CYP7B1: variants seen among roughly 807,000 people sequenced by gnomAD.
CYP7B1 encodes the protein cytochrome P450 family 7 subfamily B member 1.
In CYP7B1, 29 loss-of-function variants were observed where a neutral mutation model predicts 42.7. That is an observed-to-expected ratio of 0.68 (90% CI 0.51 to 0.93). The LOEUF is 0.93. CYP7B1 is among the 40% of genes least tolerant of loss of function. CYP7B1 has a pLI of 0.00. For missense variants in CYP7B1, 655 were observed against 600.5 expected (o/e 1.09, Z -0.95); for synonymous variants, 235 against 218.2 (o/e 1.08, Z -0.68).
intron 1 of CYP7B1, among the ~76,000 whole-genome samples, chr8:64,781,002 C>T (rs1174509636): frequency 6.6e-6 from 1 of 152,074 alleles, no homozygotes; most frequent in East Asian, 1.9e-4. Context: ...CATGGAGTTG[C>T]TAGATGCATA....
intron 1 of CYP7B1, among the ~76,000 whole-genome samples, chr8:64,789,129 G>C (rs769408664): frequency 4.1e-4 from 62 of 152,054 alleles, no homozygotes; most frequent in Middle Eastern, 6.8e-3. Flanking sequence ...GGTTTCACCA[G>C]GTTGGCCAGG....
At chr8:64,687,210 AAAG>A (rs1392093148) in intron 1 of CYP7B1, among the ~76,000 whole-genome samples, 6 of 152,258 alleles carry the variant, frequency 3.9e-5, no homozygotes, top group Admixed American at 1.3e-4. Flanking sequence ...ATGAATGGAT[AAAG>A]AAGATGTGGT....
intron 1 of CYP7B1, among the ~76,000 whole-genome samples, chr8:64,740,335 T>A (rs1356101871): frequency 1.3e-5 from 2 of 152,004 alleles, no homozygotes; most frequent in Non-Finnish European, 2.9e-5. Context: ...GTCAAGGAAG[T>A]ACATCAGTCA....
At chr8:64,652,725 T>C (rs1236697818) in intron 1 of CYP7B1, among the ~76,000 whole-genome samples, 1 of 152,076 alleles carries the variant, frequency 6.6e-6, no homozygotes, top group Non-Finnish European at 1.5e-5. Context: ...GCGCCTGTAG[T>C]CCCAGCTACT....
chr8:64,624,734 G>A (rs368986266), intron 1 of CYP7B1, among the ~76,000 whole-genome samples, 195 bp from the exon 2 acceptor site: 36 of 152,080 alleles, frequency 2.4e-4, no homozygotes, highest in African/African-American at 7.7e-4. Context: ...ATGGATAAAT[G>A]CATAACTTCT....
chr8:64,638,295 G>A (rs1281922362), intron 1 of CYP7B1, among the ~76,000 whole-genome samples: 1 of 152,046 alleles, frequency 6.6e-6, no homozygotes, highest in Admixed American at 6.6e-5. Context: ...TTGCAGGGCT[G>A]GTGGACTTTC....
chr8:64,664,229 A>G (rs1007219), intron 1 of CYP7B1, among the ~76,000 whole-genome samples: 112,405 of 152,008 alleles, frequency 0.74, 41,897 homozygotes, highest in African/African-American at 0.83. Flanking sequence ...ATTTGAGATC[A>G]GACCTGTCTA....
At chr8:64,779,436 T>C (rs1804381898) in intron 1 of CYP7B1, among the ~76,000 whole-genome samples, 1 of 150,944 alleles carries the variant, frequency 6.6e-6, no homozygotes, top group South Asian at 2.1e-4. Context: ...TCTATAATAC[T>C]ATATACTTAC....
chr8:64,648,073 G>C (rs766712435), intron 1 of CYP7B1, among the ~76,000 whole-genome samples: 2 of 152,172 alleles, frequency 1.3e-5, no homozygotes, highest in African/African-American at 4.8e-5. Context: ...TATAATAGGT[G>C]ACAAGGGCAC....
chr8:64,618,079 A>T (rs1358076797), intron 2 of CYP7B1, among the ~76,000 whole-genome samples: 8 of 150,046 alleles, frequency 5.3e-5, no homozygotes, highest in African/African-American at 9.8e-5. Context: ...GTGTGTGTGT[A>T]TGTGCTCTGG....
intron 1 of CYP7B1, among the ~76,000 whole-genome samples, chr8:64,636,762 T>A (rs907676079): frequency 3.3e-4 from 51 of 152,314 alleles, no homozygotes; most frequent in Admixed American, 2.0e-4. Context: ...GGCTCTGAAG[T>A]GCACTGGATC....
At chr8:64,784,839 T>C (rs56345307) in intron 1 of CYP7B1, among the ~76,000 whole-genome samples, 24,369 of 152,086 alleles carry the variant, frequency 0.16, 4,124 homozygotes, top group African/African-American at 0.43. Flanking sequence ...AGTGACTCCT[T>C]ATATACAACA....
chr8:64,688,838 G>C (rs1201773015), intron 1 of CYP7B1, among the ~76,000 whole-genome samples: 1 of 152,098 alleles, frequency 6.6e-6, no homozygotes, highest in Non-Finnish European at 1.5e-5. Context: ...GAGGTGGGAG[G>C]ATTGCTCAAC....
chr8:64,724,438 C>A (rs532852386), intron 1 of CYP7B1, among the ~76,000 whole-genome samples: 5 of 152,210 alleles, frequency 3.3e-5, no homozygotes, highest in Admixed American at 1.3e-4. Flanking sequence ...TGAGCCACCG[C>A]GCCCAGCCAA....
chr8:64,649,881 G>A (rs540170819), intron 1 of CYP7B1, among the ~76,000 whole-genome samples: 503 of 152,226 alleles, frequency 3.3e-3, no homozygotes, highest in Non-Finnish European at 5.5e-3. Flanking sequence ...TATATTCAAA[G>A]TTCTTTGATC....
intron 5 of CYP7B1, among the ~76,000 whole-genome samples, chr8:64,597,410 T>C (rs1805135585): frequency 6.6e-6 from 1 of 152,192 alleles, no homozygotes. Flanking sequence ...TACTGATAGA[T>C]GAGAACTATG....
At chr8:64,628,939 C>G (rs1245999875) in intron 1 of CYP7B1, among the ~76,000 whole-genome samples, 1 of 152,078 alleles carries the variant, frequency 6.6e-6, no homozygotes, top group South Asian at 2.1e-4. Flanking sequence ...CATTTAAAGC[C>G]CATCGCTGCC....
In CYP7B1 at chr8:64,596,146, A is replaced by G. The variant is rs1276092565; in HGVS notation, c.*496T>C. The G allele has an allele frequency of 6.1e-6, 1 of 163,794 alleles. No individual in the cohort carries two copies. Among genetic ancestry groups the G allele is most frequent in the Non-Finnish European group, 1.4e-5 (1 of 71,796 alleles). The allele number at this position is 163,794 out of a possible 1,614,324, so 10.1% of individuals were successfully genotyped here. A position where few individuals can be genotyped will look rare whatever the true frequency, so the allele number is the denominator to read the frequency against. ...CACATACCCTGGAAATATAGGTATT[A>G]TTAATATTATACTTGAAGGGAACAT... On this transcript the variant is annotated 3_prime_UTR_variant, in exon 6 of 6. Coordinates refer to ENST00000310193, the MANE Select transcript of CYP7B1 (RefSeq NM_004820.5).
chr8:64,656,739 A>G (rs775456528), intron 1 of CYP7B1, among the ~76,000 whole-genome samples: 22 of 152,328 alleles, frequency 1.4e-4, no homozygotes, highest in Admixed American at 2.6e-4. Context: ...TTCAGTTGGT[A>G]CAGTTTTCAT....
Sources: allele counts gnomAD v4.1 joint callset (sites outside exome capture counted in the v4.1 genomes callset), GRCh38; gene constraint gnomAD v4.1.1; transcripts MANE v1.5; gene names NCBI Gene and HGNC (gene_info 2026-07-23, HGNC 2026-07-21).